DAGLB: variants seen among roughly 807,000 people sequenced by gnomAD.
The protein encoded by DAGLB is diacylglycerol lipase beta.
DAGLB carries 66 observed loss-of-function variants against 72.1 expected under a neutral mutation model. The ratio of observed to expected loss-of-function variants is 0.92; its 90% confidence interval spans 0.75 to 1.12. The LOEUF is 1.12. Among genes scored for constraint, DAGLB ranks in the 50% most tolerant of loss-of-function variants. DAGLB has a pLI of 0.00. For missense variants in DAGLB, 1,065 were observed against 884.9 expected, an observed-to-expected ratio of 1.20 and a Z score of -2.58; for synonymous variants, 414 against 359.5, an observed-to-expected ratio of 1.15 and a Z score of -1.71.
chr7:6,413,155 TCTC>T (rs1783789014), intron 11 of DAGLB, 121 bp from the exon 12 acceptor site: 1 of 1,046,724 alleles, frequency 9.6e-7, no homozygotes. Context: ...TGTTCTCTCT[TCTC>T]TAAAGGGAGG....
rs560387892 is a variant in DAGLB at position 6,434,651 on chromosome 7, C to T, written c.678+111G>A. ...GGGTCTCCGGCCACCCCCCACACAC[C>T]CAAAGACACCAGGTTCTCAAACGCG... On this transcript the variant is annotated intron_variant, in intron 4 of 14. Coordinates refer to ENST00000297056, the MANE Select transcript of DAGLB (RefSeq NM_139179.4). The T allele has an allele frequency of 1.6e-5, 24 of 1,543,698 alleles. No individual in the cohort carries two copies. The East Asian group carries it at 5.0e-4, about 32-fold the overall frequency.
At position 6,433,142 on chromosome 7, in the gene DAGLB, C is replaced by G. The variant is rs550979175; in HGVS notation, c.679-183G>C. Among the ~76,000 whole-genome samples, 3 of 152,338 alleles carry G rather than the reference C, an allele frequency of 2.0e-5. No homozygotes were observed. In the East Asian group the frequency reaches 5.8e-4, roughly 29 times the overall value. ...TCTCTATGTGACCTGAATATGTTTT[C>G]ACATCCTGCCCTCAGACAAGTCCAC... On this transcript the variant is annotated intron_variant, in intron 4 of 14. Transcript: ENST00000297056.
At chr7:6,437,170 T>TAA (rs1784690448) in intron 2 of DAGLB, among the ~76,000 whole-genome samples, 2 of 138,320 alleles carry the variant, frequency 1.4e-5, no homozygotes, top group East Asian at 2.2e-4. Context: ...ATAATAATAA[T>TAA]AATAATAATA....
intron 6 of DAGLB, among the ~76,000 whole-genome samples, chr7:6,429,393 T>C (rs1226031984): frequency 1.3e-5 from 2 of 151,622 alleles, no homozygotes; most frequent in Non-Finnish European, 2.9e-5. Flanking sequence ...AACTTAAAAC[T>C]TGAAGGAGAC....
intron 6 of DAGLB, among the ~76,000 whole-genome samples, chr7:6,428,145 G>C (rs577433433): frequency 6.6e-6 from 1 of 151,766 alleles, no homozygotes; most frequent in African/African-American, 2.4e-5. Context: ...TCAGGAGTTC[G>C]ACCAGCCTGG....
intron 2 of DAGLB, among the ~76,000 whole-genome samples, chr7:6,439,554 C>T (rs1784763784): frequency 6.6e-6 from 1 of 152,190 alleles, no homozygotes; most frequent in South Asian, 2.1e-4. Flanking sequence ...TCTGACCCAG[C>T]TTAGCAATGA....
At chr7:6,440,980 G>T (rs1784811623) in intron 2 of DAGLB, among the ~76,000 whole-genome samples, 1 of 151,786 alleles carries the variant, frequency 6.6e-6, no homozygotes, top group South Asian at 2.1e-4. Context: ...TTGAGGGGGG[G>T]ACGGAGTTTC....
rs1226363594 is a variant in DAGLB at position 6,416,664 on chromosome 7, T to C, written c.1390A>G (p.Arg464Gly). The change falls in exon 11 of 15, where the codon AGG (arginine) becomes GGG (glycine). Residue 464 changes from arginine (R) to glycine (G), a missense_variant. Transcript: ENST00000297056. ...TMLRAAYPQV[R>G]CYAFSPPRGL... ...CGGGGTGGGGAGAAGGCGTAGCACC[T>C]GACCTGCGGGTAGGCGGCTCTGAGC... 11 of 1,613,466 alleles carry C rather than the reference T, an allele frequency of 6.8e-6. No homozygotes were observed. The highest frequency in any genetic ancestry group is 2.7e-5 in the African/African-American group (2 of 74,932).
Position 6,409,569 on chromosome 7 carries a change from G to C in DAGLB, c.*268C>G. 1.9e-6 allele frequency: 1 copy of C among 514,054 alleles called. No individual in the cohort carries two copies. The highest frequency in any genetic ancestry group is 5.4e-4 in the Middle Eastern group (1 of 1,864). The allele number at this position is 514,054 out of a possible 1,614,324, so 31.8% of individuals were successfully genotyped here. On this transcript the variant is annotated 3_prime_UTR_variant, in exon 15 of 15. Transcript: ENST00000297056. The stretch of plus-strand genomic sequence containing the variant: ...TCAGACAGCCAAGGGATCCATCCAC[G>C]GGCCAGGGCTTCCCGAGGCTGTCTC...
At chr7:6,423,516 C>T (rs927794092) in intron 8 of DAGLB, among the ~76,000 whole-genome samples, 3 of 152,050 alleles carry the variant, frequency 2.0e-5, no homozygotes, top group East Asian at 1.9e-4. Flanking sequence ...CTCCACCTCC[C>T]GGGTTCAAGC....
At chr7:6,422,355 G>T in intron 8 of DAGLB, 1 of 245,822 alleles carries the variant, frequency 4.1e-6, no homozygotes. Flanking sequence ...AGGGGCAGCA[G>T]GACCCGCTGG....
intron 2 of DAGLB, among the ~76,000 whole-genome samples, chr7:6,440,734 T>TA (rs1784804119): frequency 6.6e-6 from 1 of 151,932 alleles, no homozygotes; most frequent in South Asian, 2.1e-4. Context: ...ACAGGCATAG[T>TA]AGTGTGTGCC....
At chr7:6,415,969 G>T (rs1044588230) in intron 11 of DAGLB, among the ~76,000 whole-genome samples, 46 of 152,044 alleles carry the variant, frequency 3.0e-4, no homozygotes, top group African/African-American at 1.1e-3. Flanking sequence ...GCATACTACG[G>T]GCTCTGGGCG....
intron 2 of DAGLB, among the ~76,000 whole-genome samples, chr7:6,436,974 AC>A (rs1784679965): frequency 6.6e-6 from 1 of 151,750 alleles, no homozygotes; most frequent in Admixed American, 6.6e-5. Flanking sequence ...ACATGGTGAA[AC>A]CTCATCTCTA....
chr7:6,438,359 T>C (rs1422980578), intron 2 of DAGLB, among the ~76,000 whole-genome samples: 2 of 152,034 alleles, frequency 1.3e-5, no homozygotes, highest in Admixed American at 6.6e-5. Context: ...AAAATAATTT[T>C]TAAAATGCAA....
At chr7:6,424,417 G>A (rs55908960) in intron 8 of DAGLB, among the ~76,000 whole-genome samples, 8,246 of 152,164 alleles carry the variant, frequency 0.054, 624 homozygotes, top group African/African-American at 0.17. Flanking sequence ...CTCTGGTGCA[G>A]AAATTCCCCG....
Position 6,426,117 on chromosome 7 carries a change from A to T in DAGLB, c.930-3T>A. ...AGTCTGTGGTTCTGCTTCTGCAGCT[A>T]AAAAGAGGACAAAGACGTTACTATG... On this transcript the variant is annotated splice_region_variant and splice_polypyrimidine_tract_variant and intron_variant, in intron 6 of 14. Coordinates refer to ENST00000297056, the MANE Select transcript of DAGLB (RefSeq NM_139179.4). The T allele has an allele frequency of 1.2e-6, 2 of 1,613,312 alleles. No individual in the cohort carries two copies. Among genetic ancestry groups the T allele is most frequent in the Non-Finnish European group, 1.7e-6 (2 of 1,179,752 alleles).
At chr7:6,443,268 A>G (rs1784894266) in intron 2 of DAGLB, among the ~76,000 whole-genome samples, 1 of 150,064 alleles carries the variant, frequency 6.7e-6, no homozygotes, top group Non-Finnish European at 1.5e-5. Context: ...AAAAAAAAAA[A>G]AAAAAGAAAC....
At position 6,409,477 on chromosome 7, in the gene DAGLB, G is replaced by A. The variant is rs1219270347; in HGVS notation, c.*360C>T. 4.0e-6 allele frequency: 1 copy of A among 252,528 alleles called. No homozygotes were observed. Among genetic ancestry groups the A allele is most frequent in the African/African-American group, 2.3e-5 (1 of 44,360 alleles). The allele number at this position is 252,528 out of a possible 1,614,324, so 15.6% of individuals were successfully genotyped here. The stretch of plus-strand genomic sequence containing the variant: ...GGATGAAAAGAGCTGCCTTGGGGGT[G>A]GGAGGCTAAGGAACTGTTCACGGTC... On this transcript the variant is annotated 3_prime_UTR_variant, in exon 15 of 15. Coordinates refer to ENST00000297056, the MANE Select transcript of DAGLB (RefSeq NM_139179.4).
Sources: gnomAD v4.1 joint callset for allele counts (sites outside exome capture counted in the v4.1 genomes callset) on GRCh38, gnomAD v4.1.1 for gene constraint, MANE v1.5 for transcripts, NCBI Gene and HGNC (gene_info 2026-07-23, HGNC 2026-07-21) for gene names.